MTHFS: variants seen among roughly 807,000 people sequenced by gnomAD.
MTHFS encodes the protein 5-formyltetrahydrofolate cyclo-ligase.
Under a neutral mutation model 12.7 loss-of-function variants are expected in MTHFS, and 7 were observed. The ratio of observed to expected loss-of-function variants is 0.55; its 90% confidence interval spans 0.31 to 1.03. The LOEUF is 1.03. Among genes scored for constraint, MTHFS ranks in the 50% least tolerant of loss-of-function variants. The pLI is 0.05. For synonymous variants in MTHFS, 100 were observed against 97.1 expected (o/e 1.03, Z -0.18); for missense variants, 252 against 258.1 (o/e 0.98, Z 0.16).
At chr15:79,877,947 T>C (rs1050309280) in intron 2 of MTHFS, 12 of 151,962 alleles carry the variant, frequency 7.9e-5, no homozygotes, top group Non-Finnish European at 1.6e-4. Context: ...AAGACATTCC[T>C]AGATAAACAA....
At chr15:79,868,121 T>G (rs974401862) in intron 2 of MTHFS, among the ~76,000 whole-genome samples, 1 of 152,232 alleles carries the variant, frequency 6.6e-6, no homozygotes, top group Admixed American at 6.5e-5. Flanking sequence ...AGGTGTTGCA[T>G]GCAAAATCAA....
intron 2 of MTHFS, among the ~76,000 whole-genome samples, chr15:79,864,022 T>A (rs528761110): frequency 6.6e-6 from 1 of 152,220 alleles, no homozygotes; most frequent in Non-Finnish European, 1.5e-5. Flanking sequence ...ACAAACAGCA[T>A]GCCTTCGGGG....
At chr15:79,882,640 T>C (rs1462275010) in intron 2 of MTHFS, among the ~76,000 whole-genome samples, 4 of 152,198 alleles carry the variant, frequency 2.6e-5, no homozygotes, top group African/African-American at 7.2e-5. Flanking sequence ...AAGGGGCACA[T>C]AGGTCACCTT....
intron 1 of MTHFS, among the ~76,000 whole-genome samples, chr15:79,890,085 C>T (rs1204491955): frequency 6.6e-6 from 1 of 151,882 alleles, no homozygotes; most frequent in Non-Finnish European, 1.5e-5. Context: ...GTGAAAGAAA[C>T]CATATTCAGT....
chr15:79,883,815 C>G (rs1182226139), intron 2 of MTHFS, among the ~76,000 whole-genome samples: 1 of 152,168 alleles, frequency 6.6e-6, no homozygotes, highest in Non-Finnish European at 1.5e-5. Context: ...GTGGTAAAGG[C>G]CAGATTCAAA....
intron 2 of MTHFS, among the ~76,000 whole-genome samples, chr15:79,865,386 T>C (rs2033991504): frequency 6.6e-6 from 1 of 152,208 alleles, no homozygotes; most frequent in African/African-American, 2.4e-5. Context: ...AGTCGGAAAC[T>C]TCGAGGTATT....
At chr15:79,897,086 G>C, upstream of MTHFS, 1 of 1,187,790 alleles carries the variant, frequency 8.4e-7, no homozygotes, top group Non-Finnish European at 1.1e-6. Flanking sequence ...CCGCGGCCTA[G>C]GGGCGGGTCG....
chr15:79,856,339 T>A (rs964452945), intron 2 of MTHFS, among the ~76,000 whole-genome samples: 1 of 152,250 alleles, frequency 6.6e-6, no homozygotes, highest in African/African-American at 2.4e-5. Flanking sequence ...TCTGCACATG[T>A]CTTTGCCTAC....
Position 79,845,001 on chromosome 15 carries a change from G to T in MTHFS, c.*209C>A. The T allele has an allele frequency of 1.5e-6, 1 of 676,896 alleles. No individual in the cohort carries two copies. The highest frequency in any genetic ancestry group is 2.4e-6 in the Non-Finnish European group (1 of 423,232). 41.9% of individuals were successfully genotyped at this position (676,896 alleles called of 1,614,324 possible). On this transcript the variant is annotated 3_prime_UTR_variant, in exon 3 of 3. Coordinates refer to ENST00000258874, the MANE Select transcript of MTHFS (RefSeq NM_006441.4). ...TTAAGCTGAAAATCACAGGCTGATA[G>T]CCTCCATTTTAATTAATATTCTACT...
chr15:79,846,910 G>A (rs1274821168), intron 2 of MTHFS, among the ~76,000 whole-genome samples: 1 of 152,188 alleles, frequency 6.6e-6, no homozygotes, highest in Non-Finnish European at 1.5e-5. Flanking sequence ...TTTACAGTAT[G>A]GCAAGGTGCT....
intron 2 of MTHFS, among the ~76,000 whole-genome samples, chr15:79,848,108 G>A (rs534979612): frequency 1.3e-5 from 2 of 152,278 alleles, no homozygotes; most frequent in East Asian, 1.9e-4. Flanking sequence ...AGTATGCATC[G>A]ATGGATGAAC....
chr15:79,868,851 T>C (rs1019997979), intron 2 of MTHFS, among the ~76,000 whole-genome samples: 4 of 152,246 alleles, frequency 2.6e-5, no homozygotes, highest in Non-Finnish European at 4.4e-5. Flanking sequence ...AAATTCATTA[T>C]AATAAAGCTC....
chr15:79,887,080 C>A lies in MTHFS; in HGVS notation c.379+2013G>T, dbSNP rs139933949. On this transcript the variant is annotated intron_variant, in intron 2 of 2. Transcript: ENST00000258874. The stretch of plus-strand genomic sequence containing the variant: ...TGAAACCCCATCTCTATTAAAAATA[C>A]AAAATTAGCCAGCCACGGTGGCGCA... Among the ~76,000 whole-genome samples the A allele has an allele frequency of 0.019, 2,936 of 152,166 alleles. 181 individuals carry two copies. The East Asian group carries it at 0.22, about 11-fold the overall frequency.
rs915676875 is a variant in MTHFS at position 79,843,804 on chromosome 15, A to T, written c.*1406T>A. The T allele has an allele frequency of 3.3e-5, 5 of 152,262 alleles. No individual in the cohort carries two copies. The highest frequency in any genetic ancestry group is 1.2e-4 in the African/African-American group (5 of 41,476). 9.4% of individuals were successfully genotyped at this position (152,262 alleles called of 1,614,324 possible). ...AACAAATAATTTGATACGTAAGACA[A>T]CATGATAAGCACATCAATGGCCAAG... On this transcript the variant is annotated 3_prime_UTR_variant, in exon 3 of 3. Coordinates refer to ENST00000258874, the MANE Select transcript of MTHFS (RefSeq NM_006441.4).
intron 2 of MTHFS, among the ~76,000 whole-genome samples, chr15:79,875,488 T>A (rs1449322576): frequency 6.6e-6 from 1 of 152,116 alleles, no homozygotes; most frequent in Non-Finnish European, 1.5e-5. Flanking sequence ...GAAAGAATCA[T>A]CTTTTTAAAG....
Position 79,845,283 on chromosome 15 carries a change from C to T in MTHFS, c.539G>A (p.Cys180Tyr), listed in dbSNP as rs764528755. The T allele has an allele frequency of 1.9e-6, 3 of 1,614,136 alleles. No individual in the cohort carries two copies. The South Asian group carries it at 3.3e-5, about 18-fold the overall frequency. ...TLALAFKEQI[C>Y]LQVPVNENDM... ...GTTTTCATTCACTGGGACCTGGAGGCAAATCTGTTCTTTGAAAGCCAACGC... is the reference window on the plus strand; with the variant it reads ...GTTTTCATTCACTGGGACCTGGAGGTAAATCTGTTCTTTGAAAGCCAACGC... The change falls in exon 3 of 3, where the codon TGC becomes TAC. Residue 180 changes from cysteine (C) to tyrosine (Y), a missense_variant. By Grantham distance (194) the Cys-to-Tyr change is radical. Transcript: ENST00000258874.
intron 2 of MTHFS, among the ~76,000 whole-genome samples, chr15:79,881,344 C>T (rs1363632436): frequency 1.3e-5 from 2 of 152,152 alleles, no homozygotes. Context: ...CAGGGCATAA[C>T]CCCTAAGGAA....
chr15:79,880,488 T>C (rs1486984331), intron 2 of MTHFS, among the ~76,000 whole-genome samples: 1 of 152,058 alleles, frequency 6.6e-6, no homozygotes, highest in African/African-American at 2.4e-5. Flanking sequence ...CTGCATTTCT[T>C]TGCAATACTA....
At chr15:79,897,160 C>T, upstream of MTHFS, 1 of 565,240 alleles carries the variant, frequency 1.8e-6, no homozygotes, top group Non-Finnish European at 2.8e-6. Flanking sequence ...CGCGCGCTTA[C>T]CTCGCCTCTG....
Sources: gnomAD v4.1 joint callset for allele counts (sites outside exome capture counted in the v4.1 genomes callset) on GRCh38, gnomAD v4.1.1 for gene constraint, MANE v1.5 for transcripts, NCBI Gene and HGNC (gene_info 2026-07-23, HGNC 2026-07-21) for gene names.